Variants in ARFGEF2 observed in about 807,000 individuals in gnomAD.
ARFGEF2 encodes the protein brefeldin A-inhibited guanine nucleotide-exchange protein 2.
A neutral mutation model predicts 219.9 loss-of-function variants in ARFGEF2; 74 were observed. That is an observed-to-expected ratio of 0.34 (90% CI 0.28 to 0.41). The LOEUF is 0.41. Ranked by LOEUF, ARFGEF2 falls within the 10% of genes least tolerant of loss-of-function variation. The probability of loss-of-function intolerance (pLI) is 1.00; values close to 1 mark genes in which losing one functional copy is unlikely to be tolerated. For missense variants in ARFGEF2, 1,743 were observed against 2,218.3 expected, an observed-to-expected ratio of 0.79 and a Z score of 4.30; for synonymous variants, 733 against 799.2, an observed-to-expected ratio of 0.92 and a Z score of 1.40.
chr20:49,013,701 A>G lies in ARFGEF2; in HGVS notation c.4049+7A>G, dbSNP rs1329101507. ...AGTTAGATGTACGAACAAGGTAACCATGTTCCCGTGCGGTGGCCCCTTACA... is the reference window on the plus strand; with the variant it reads ...AGTTAGATGTACGAACAAGGTAACCGTGTTCCCGTGCGGTGGCCCCTTACA... On this transcript the variant is annotated splice_region_variant and intron_variant, in intron 29 of 38. Transcript: ENST00000371917. The G allele has an allele frequency of 1.2e-6, 2 of 1,614,098 alleles. No homozygotes were observed. Among genetic ancestry groups the G allele is most frequent in the Non-Finnish European group, 1.7e-6 (2 of 1,180,020 alleles).
intron 6 of ARFGEF2, 57 bp downstream of exon 6, chr20:48,953,847 A>G (rs1170994547): frequency 6.7e-7 from 1 of 1,499,894 alleles, no homozygotes; most frequent in Non-Finnish European, 9.2e-7. Flanking sequence ...TCAGCCTGTG[A>G]GGGGCAGAAG....
rs545162154 is a variant in ARFGEF2 at position 49,010,140 on chromosome 20, G to A, written c.3585-92G>A. 1.2e-4 allele frequency: 177 copies of A among 1,483,270 alleles called. 1 individual carries two copies. The African/African-American group carries it at 2.3e-3, about 20-fold the overall frequency. The allele number at this position is 1,483,270 out of a possible 1,614,324, so 91.9% of individuals were successfully genotyped here. On this transcript the variant is annotated intron_variant, in intron 26 of 38. Coordinates refer to ENST00000371917, the MANE Select transcript of ARFGEF2 (RefSeq NM_006420.3). ...TGGATTGCTGTGTGCTATAAGAAATGTTTAAGTGCTGCTTCTAAGGGATGA... is the reference window on the plus strand; with the variant it reads ...TGGATTGCTGTGTGCTATAAGAAATATTTAAGTGCTGCTTCTAAGGGATGA...
Position 49,036,429 on chromosome 20 carries a change from GTA to G in ARFGEF2, c.*3232_*3233del, listed in dbSNP as rs1453027829. ...TGCATCAAATATTTATGTGTAAAAT[GTA>G]TGTTTTACCTCCTTAAAATGCCTAA... is the stretch of plus-strand genomic sequence containing the variant. On this transcript the variant is annotated 3_prime_UTR_variant, in exon 39 of 39. Coordinates refer to ENST00000371917, the MANE Select transcript of ARFGEF2 (RefSeq NM_006420.3). 2 of 393,448 alleles carry G rather than the reference GTA, an allele frequency of 5.1e-6. No individual in the cohort carries two copies. The highest frequency in any genetic ancestry group is 3.6e-5 in the East Asian group (1 of 27,698). The allele number at this position is 393,448 out of a possible 1,614,324, so 24.4% of individuals were successfully genotyped here. A position where few individuals can be genotyped will look rare whatever the true frequency, so the allele number is the denominator to read the frequency against.
At chr20:48,940,446 A>G (rs752291757) in intron 1 of ARFGEF2, among the ~76,000 whole-genome samples, 70 of 152,212 alleles carry the variant, frequency 4.6e-4, no homozygotes, top group Non-Finnish European at 1.6e-4. Flanking sequence ...AACTTTCAAT[A>G]TTTTATTGGT....
At chr20:48,975,539 T>C (rs1286213685) in intron 13 of ARFGEF2, among the ~76,000 whole-genome samples, 1 of 152,156 alleles carries the variant, frequency 6.6e-6, no homozygotes, top group Admixed American at 6.5e-5. Context: ...CGGCAGATCA[T>C]GCCTGTAACC....
At chr20:48,969,721 T>C (rs533454106) in intron 9 of ARFGEF2, among the ~76,000 whole-genome samples, 1 of 152,304 alleles carries the variant, frequency 6.6e-6, no homozygotes, top group East Asian at 1.9e-4. Context: ...GTAAACAAAC[T>C]ACTACAAGGA....
At position 48,951,308 on chromosome 20, in the gene ARFGEF2, T is replaced by G; in HGVS notation, c.277-15T>G. 6.2e-7 allele frequency: 1 copy of G among 1,613,914 alleles called. No individual in the cohort carries two copies. The highest frequency in any genetic ancestry group is 1.1e-5 in the South Asian group (1 of 91,038). ...CCAAGCAGAAATGTATAATCTCTGT[T>G]CTTTCTCTCTTTAGAAACTCATCGC... On this transcript the variant is annotated splice_polypyrimidine_tract_variant and intron_variant, in intron 3 of 38. Coordinates refer to ENST00000371917, the MANE Select transcript of ARFGEF2 (RefSeq NM_006420.3).
At chr20:48,992,266 CT>C (rs2091361562) in intron 21 of ARFGEF2, among the ~76,000 whole-genome samples, 1 of 152,204 alleles carries the variant, frequency 6.6e-6, no homozygotes. Context: ...AACATTCTGT[CT>C]GAGAAATAGA....
At chr20:48,941,768 G>C in intron 2 of ARFGEF2, 96 bp from the exon 3 acceptor site, 1 of 1,567,844 alleles carries the variant, frequency 6.4e-7, no homozygotes, top group Non-Finnish European at 8.8e-7. Flanking sequence ...TAGTTTGCAG[G>C]CACTTTAAAT....
In ARFGEF2 at chr20:48,952,190, C is replaced by T. The variant is rs1235714935; in HGVS notation, c.424-515C>T. 7.5e-5 allele frequency among the ~76,000 whole-genome samples: 8 copies of T among 107,060 alleles called. No individual in the cohort carries two copies. The Admixed American group carries it at 1.2e-3, about 16-fold the overall frequency. The allele number at this position is 107,060 out of a possible 152,430, so 70.2% of individuals were successfully genotyped here. A position where few individuals can be genotyped will look rare whatever the true frequency, so the allele number is the denominator to read the frequency against. Reference sequence around the variant, plus strand: ...TTTTTTTTTGAGACATAGTCTTGCTCTGTCGCCTAGGCTGGAGTGCAGTGG... The same window carrying T: ...TTTTTTTTTGAGACATAGTCTTGCTTTGTCGCCTAGGCTGGAGTGCAGTGG... On this transcript the variant is annotated intron_variant, in intron 4 of 38. Coordinates refer to ENST00000371917, the MANE Select transcript of ARFGEF2 (RefSeq NM_006420.3).
At chr20:49,022,725 A>G (rs1335905099) in intron 34 of ARFGEF2, among the ~76,000 whole-genome samples, 2 of 152,252 alleles carry the variant, frequency 1.3e-5, no homozygotes, top group Non-Finnish European at 2.9e-5. Flanking sequence ...TATTTAATAT[A>G]TAATATTCTT....
At chr20:48,994,844 G>T (rs886599944) in intron 22 of ARFGEF2, among the ~76,000 whole-genome samples, 4 of 152,070 alleles carry the variant, frequency 2.6e-5, no homozygotes, top group African/African-American at 9.7e-5. Flanking sequence ...TCACTATATT[G>T]GGGAGAAAAA....
At chr20:48,926,605 C>G in intron 1 of ARFGEF2, among the ~76,000 whole-genome samples, 1 of 152,056 alleles carries the variant, frequency 6.6e-6, no homozygotes, top group East Asian at 1.9e-4. Flanking sequence ...ACTACAGGGG[C>G]GTACCACCCA....
rs778781297 is a variant in ARFGEF2 at position 48,953,669 on chromosome 20, A to G, written c.717A>G (p.Gln239=). Residue 239 remains glutamine (Q), a synonymous_variant, in exon 6 of 39, where the codon CAA becomes CAG. Coordinates refer to ENST00000371917, the MANE Select transcript of ARFGEF2 (RefSeq NM_006420.3). ...TTCGTTTGAAGCACAGTCAGGCACA[A>G]AGCAAACCAACAACTCCCGAAAAAA... ...KFVRLKHSQA[Q]SKPTTPEKTD... 8 of 1,614,090 alleles carry G rather than the reference A, an allele frequency of 5.0e-6. No homozygotes were observed. The East Asian group carries it at 1.3e-4, about 27-fold the overall frequency.
intron 14 of ARFGEF2, among the ~76,000 whole-genome samples, chr20:48,983,935 T>C (rs1364293904): frequency 6.6e-6 from 1 of 151,794 alleles, no homozygotes; most frequent in East Asian, 1.9e-4. Flanking sequence ...AAAAATGGGC[T>C]GGGCATGGTG....
At chr20:48,942,331 G>T (rs900955100) in intron 3 of ARFGEF2, among the ~76,000 whole-genome samples, 5 of 151,832 alleles carry the variant, frequency 3.3e-5, no homozygotes, top group Admixed American at 6.6e-5. Flanking sequence ...TTTCCATTTT[G>T]TAGAGATGCA....
chr20:48,955,295 T>G (rs1475448547), intron 6 of ARFGEF2, among the ~76,000 whole-genome samples: 1 of 152,208 alleles, frequency 6.6e-6, no homozygotes, highest in Middle Eastern at 3.2e-3. Flanking sequence ...CTGAACCCCT[T>G]GTATCTTCAG....
rs2091649901 is a variant in ARFGEF2 at position 49,033,629 on chromosome 20, A to C, written c.*430A>C. 2 of 174,734 alleles carry C rather than the reference A, an allele frequency of 1.1e-5. No individual in the cohort carries two copies. The highest frequency in any genetic ancestry group is 2.7e-4 in the South Asian group (2 of 7,540). The allele number at this position is 174,734 out of a possible 1,614,324, so 10.8% of individuals were successfully genotyped here. A position where few individuals can be genotyped will look rare whatever the true frequency, so the allele number is the denominator to read the frequency against. ...TTCTTGTAACGGCTAACTGCCACCT[A>C]AAATATGCTGGGTTTTCTGTTGTTT... On this transcript the variant is annotated 3_prime_UTR_variant, in exon 39 of 39. Transcript: ENST00000371917.
rs755463703 is a variant in ARFGEF2 at position 49,010,397 on chromosome 20, C to T, written c.3750C>T (p.His1250=). The change falls in exon 27 of 39, where the codon CAC becomes CAT. Residue 1250 remains histidine (H), a synonymous_variant. Transcript: ENST00000371917. ...AGCTGGCCTTCCAGACCACTTGCCACATTGTCAGTAAGTGGCTCTGTTCCC... is the reference window on the plus strand; with the variant it reads ...AGCTGGCCTTCCAGACCACTTGCCATATTGTCAGTAAGTGGCTCTGTTCCC... ...IVELAFQTTC[H]IVTTIFQHHF... The T allele has an allele frequency of 3.7e-6, 6 of 1,613,894 alleles. No individual in the cohort carries two copies. In the South Asian group the frequency reaches 6.6e-5, roughly 18 times the overall value.
Sources: allele counts gnomAD v4.1 joint callset (sites outside exome capture counted in the v4.1 genomes callset), GRCh38; gene constraint gnomAD v4.1.1; transcripts MANE v1.5; gene names NCBI Gene and HGNC (gene_info 2026-07-23, HGNC 2026-07-21).